SYT2: variants seen among roughly 807,000 people sequenced by gnomAD.
SYT2 encodes synaptotagmin 2, also known as synaptotagmin-2.
Under a neutral mutation model 39.9 loss-of-function variants are expected in SYT2, and 15 were observed. The ratio of observed to expected loss-of-function variants is 0.38; its 90% CI spans 0.25 to 0.58. The LOEUF is 0.58. Among genes scored for constraint, SYT2 ranks in the 20% least tolerant of loss-of-function variants. SYT2 has a pLI of 0.70. For synonymous variants in SYT2, 181 were observed against 204.5 expected (o/e 0.89, Z 0.98); for missense variants, 389 against 530.3 (o/e 0.73, Z 2.62).
chr1:202,632,575 A>C (rs1691624033), intron 1 of SYT2: 1 of 985,250 alleles, frequency 1.0e-6, no homozygotes, highest in Admixed American at 6.2e-5. Flanking sequence ...GAGAAGACTA[A>C]GCCCAGAGGA....
intron 1 of SYT2, among the ~76,000 whole-genome samples, chr1:202,669,374 G>T (rs570609714): frequency 3.3e-5 from 5 of 151,092 alleles, no homozygotes; most frequent in Admixed American, 6.6e-5. Flanking sequence ...AATTTAGGCT[G>T]GACGCGGTGG....
At chr1:202,685,572 G>A (rs7512250) in intron 1 of SYT2, among the ~76,000 whole-genome samples, 6,804 of 152,038 alleles carry the variant, frequency 0.045, 542 homozygotes, top group African/African-American at 0.16. Flanking sequence ...GTAATTCACC[G>A]CATCACCCCA....
intron 1 of SYT2, among the ~76,000 whole-genome samples, chr1:202,661,913 TGA>T (rs1692389827): frequency 1.3e-5 from 2 of 152,236 alleles, no homozygotes; most frequent in Admixed American, 1.3e-4. Flanking sequence ...TCAGACACTT[TGA>T]GAGTCCACCA....
At chr1:202,661,661 T>G (rs933042459) in intron 1 of SYT2, among the ~76,000 whole-genome samples, 3 of 152,154 alleles carry the variant, frequency 2.0e-5, no homozygotes, top group African/African-American at 7.2e-5. Context: ...AACTCCGGTC[T>G]CTGCTCCAAG....
intron 1 of SYT2, among the ~76,000 whole-genome samples, chr1:202,624,253 G>A (rs773489166): frequency 2.0e-5 from 3 of 151,128 alleles, no homozygotes; most frequent in Non-Finnish European, 3.0e-5. Flanking sequence ...TGATGTGGGC[G>A]CTAGGGTGTG....
At chr1:202,689,651 G>C (rs112646942) in intron 1 of SYT2, among the ~76,000 whole-genome samples, 3 of 152,018 alleles carry the variant, frequency 2.0e-5, no homozygotes, top group Non-Finnish European at 2.9e-5. Context: ...GAGTGTCCAG[G>C]GGGCAGGGAA....
chr1:202,646,977 C>T (rs1484997024), intron 1 of SYT2, among the ~76,000 whole-genome samples: 5 of 152,172 alleles, frequency 3.3e-5, no homozygotes, highest in Admixed American at 6.5e-5. Context: ...CCAGGTCTGC[C>T]GTCCAAGCAC....
intron 1 of SYT2, among the ~76,000 whole-genome samples, chr1:202,658,502 C>T (rs1373807612): frequency 6.6e-6 from 1 of 151,982 alleles, no homozygotes; most frequent in Non-Finnish European, 1.5e-5. Context: ...GAAGTCCCCA[C>T]TCCCCGCCTC....
intron 1 of SYT2, among the ~76,000 whole-genome samples, chr1:202,698,304 C>T (rs1654026404): frequency 6.6e-6 from 1 of 152,170 alleles, no homozygotes; most frequent in Non-Finnish European, 1.5e-5. Flanking sequence ...GAGCCACGTG[C>T]CAGGGCAATC....
chr1:202,647,534 T>C (rs1211083053), intron 1 of SYT2, among the ~76,000 whole-genome samples: 1 of 151,570 alleles, frequency 6.6e-6, no homozygotes, highest in Non-Finnish European at 1.5e-5. Context: ...GCCTGGGCAG[T>C]GTGGAGGCAG....
intron 1 of SYT2, among the ~76,000 whole-genome samples, chr1:202,610,392 ATT>A (rs1690854148): frequency 1.3e-5 from 2 of 152,172 alleles, no homozygotes. Context: ...AACTGGAAGC[ATT>A]CCCTTTGAAA....
intron 1 of SYT2, among the ~76,000 whole-genome samples, chr1:202,648,250 G>A (rs938383558): frequency 4.6e-5 from 7 of 151,732 alleles, no homozygotes; most frequent in Admixed American, 1.3e-4. Flanking sequence ...GTGTGATCTC[G>A]GCTCACCGCA....
intron 1 of SYT2, among the ~76,000 whole-genome samples, chr1:202,642,432 C>T (rs1190061785): frequency 6.6e-6 from 1 of 152,032 alleles, no homozygotes; most frequent in Non-Finnish European, 1.5e-5. Flanking sequence ...CAGAGAGGTG[C>T]AGTAGCTTGT....
At chr1:202,667,545 TGTGG>T (rs1692504409) in intron 1 of SYT2, among the ~76,000 whole-genome samples, 1 of 151,596 alleles carries the variant, frequency 6.6e-6, no homozygotes, top group Admixed American at 6.6e-5. Context: ...CAGAAAGAGT[TGTGG>T]ATACTTTATT....
At chr1:202,687,666 CAA>C (rs59844832) in intron 1 of SYT2, among the ~76,000 whole-genome samples, 2 of 83,942 alleles carry the variant, frequency 2.4e-5, no homozygotes, top group African/African-American at 5.3e-5. Context: ...AACTCCATCT[CAA>C]AAAAAAAAAA....
intron 1 of SYT2, among the ~76,000 whole-genome samples, chr1:202,666,972 ACT>A (rs1332522411): frequency 6.6e-6 from 1 of 152,108 alleles, no homozygotes; most frequent in Admixed American, 6.5e-5. Context: ...ACTGAGCGAA[ACT>A]CTGTCTCAAA....
chr1:202,660,280 G>A (rs1692353026), intron 1 of SYT2, among the ~76,000 whole-genome samples: 1 of 152,132 alleles, frequency 6.6e-6, no homozygotes, highest in African/African-American at 2.4e-5. Context: ...CATGACATGG[G>A]GCAAGTTCAA....
chr1:202,697,457 G>A (rs1393521881), intron 1 of SYT2, among the ~76,000 whole-genome samples: 1 of 152,268 alleles, frequency 6.6e-6, no homozygotes, highest in Non-Finnish European at 1.5e-5. Context: ...ACACGAACTT[G>A]TGTAAAGTTG....
chr1:202,666,672 T>C (rs191387523), intron 1 of SYT2, among the ~76,000 whole-genome samples: 3 of 152,256 alleles, frequency 2.0e-5, no homozygotes, highest in Admixed American at 2.0e-4. Flanking sequence ...AATCCTCTTA[T>C]TAAATTCACT....
Sources: allele counts gnomAD v4.1 joint callset (sites outside exome capture counted in the v4.1 genomes callset), GRCh38; gene constraint gnomAD v4.1.1; transcripts MANE v1.5; gene names NCBI Gene and HGNC (gene_info 2026-07-23, HGNC 2026-07-21).